Variants in RC3H2 observed in about 807,000 individuals in gnomAD.
RC3H2 encodes the protein ring finger and CCCH-type domains 2.
Under a neutral mutation model 133.3 loss-of-function variants are expected in RC3H2, and 31 were observed. The ratio of observed to expected loss-of-function variants is 0.23; its 90% CI spans 0.17 to 0.31. The LOEUF (loss-of-function observed/expected upper bound fraction) is 0.31. RC3H2 is among the 10% of genes least tolerant of loss of function. RC3H2 has a pLI of 1.00. For missense variants in RC3H2, 1,175 were observed against 1,437.2 expected (o/e 0.82, Z 2.95); for synonymous variants, 517 against 502.2 (o/e 1.03, Z -0.40).
chr9:122,857,953 A>G lies in RC3H2; in HGVS notation c.2424T>C (p.Ser808=), dbSNP rs1164726792. 3.1e-6 allele frequency: 5 copies of G among 1,614,188 alleles called. No homozygotes were observed. The highest frequency in any genetic ancestry group is 2.2e-5 in the East Asian group (1 of 44,886). Residue 808 remains serine, a synonymous_variant, in exon 13 of 21, where the codon TCT becomes TCC. Coordinates refer to ENST00000357244, the MANE Select transcript of RC3H2 (RefSeq NM_001100588.3). ...CACGAAAGTCTACACTGAACAGAGGAGAAGGTGGTGTTGGTGACTGTGTTG... is the reference window on the plus strand; with the variant it reads ...CACGAAAGTCTACACTGAACAGAGGGGAAGGTGGTGTTGGTGACTGTGTTG... ...PVATQSPTPP[S]PLFSVDFRAD... is the part of the protein sequence containing the mutation.
intron 1 of RC3H2, among the ~76,000 whole-genome samples, chr9:122,899,090 G>GTTTTTTT (rs1183512993): frequency 2.3e-5 from 2 of 88,410 alleles, no homozygotes; most frequent in African/African-American, 9.6e-5. Context: ...CCTTTATTGT[G>GTTTTTTT]TTTTTTTTTT....
Position 122,880,788 on chromosome 9 carries a change from T to G in RC3H2, c.766A>C (p.Lys256Gln). The change falls in exon 6 of 21, where the codon AAA (lysine) becomes CAA (glutamine). Residue 256 changes from lysine to glutamine, a missense_variant. Physicochemically the swap from Lys to Gln is moderately conservative, Grantham distance 53 (BLOSUM62 1). Coordinates refer to ENST00000357244, the MANE Select transcript of RC3H2 (RefSeq NM_001100588.3). ...LYRASCFKVT[K>Q]RDEDSSLMQL... ...ATTAGGGAAGAGTCTTCATCTCTTT[T>G]GGTAACCTAAAAAATAGAAAAGAGA... 6.2e-7 allele frequency: 1 copy of G among 1,612,694 alleles called. No individual in the cohort carries two copies. The highest frequency in any genetic ancestry group is 8.5e-7 in the Non-Finnish European group (1 of 1,178,696).
intron 5 of RC3H2, among the ~76,000 whole-genome samples, chr9:122,881,331 A>G (rs548593934): frequency 3.9e-4 from 60 of 152,124 alleles, no homozygotes; most frequent in African/African-American, 1.1e-3. Context: ...AAGAAAAAAT[A>G]CAAAAACTAG....
At chr9:122,893,659 G>A (rs1564318016) in intron 2 of RC3H2, among the ~76,000 whole-genome samples, 2 of 152,102 alleles carry the variant, frequency 1.3e-5, no homozygotes, top group Non-Finnish European at 2.9e-5. Flanking sequence ...AGTTATACAA[G>A]TTCTCTGAAT....
At position 122,878,720 on chromosome 9, in the gene RC3H2, A is replaced by T. The variant is rs1483791269; in HGVS notation, c.1212+1035T>A. 2.6e-5 allele frequency among the ~76,000 whole-genome samples: 4 copies of T among 152,102 alleles called. No homozygotes were observed. The South Asian group carries it at 8.3e-4, about 32-fold the overall frequency. On this transcript the variant is annotated intron_variant, in intron 8 of 20. Transcript: ENST00000357244. ...CATAATAATTTATTAAATAGAAGTT[A>T]TAAGTATAAAGGATTATATCTTAAC...
chr9:122,887,857 C>T (rs1380064759), intron 4 of RC3H2, among the ~76,000 whole-genome samples: 8 of 150,898 alleles, frequency 5.3e-5, no homozygotes, highest in African/African-American at 1.7e-4. Context: ...AATTCTCGTG[C>T]CTCAGCTTCG....
intron 10 of RC3H2, among the ~76,000 whole-genome samples, chr9:122,861,925 A>G (rs560993699): frequency 6.6e-6 from 1 of 152,368 alleles, no homozygotes; most frequent in South Asian, 2.1e-4. Flanking sequence ...TATTCTTTAC[A>G]TAAAGTAAAA....
intron 18 of RC3H2, among the ~76,000 whole-genome samples, chr9:122,853,578 C>G (rs1283176397): frequency 6.6e-6 from 1 of 152,000 alleles, no homozygotes; most frequent in Non-Finnish European, 1.5e-5. Flanking sequence ...ATGGTGAAAC[C>G]CTGTCTCTAC....
At chr9:122,875,911 G>A (rs1435665570) in intron 9 of RC3H2, among the ~76,000 whole-genome samples, 2 of 152,196 alleles carry the variant, frequency 1.3e-5, no homozygotes, top group Non-Finnish European at 2.9e-5. Context: ...AGGACAATGA[G>A]AGGCTATCAA....
chr9:122,863,434 T>C (rs1337675237), intron 10 of RC3H2, among the ~76,000 whole-genome samples: 3 of 152,330 alleles, frequency 2.0e-5, no homozygotes, highest in East Asian at 1.9e-4. Flanking sequence ...TCTAAAAGAC[T>C]GGTCTCCTCA....
intron 1 of RC3H2, among the ~76,000 whole-genome samples, chr9:122,900,937 A>G (rs1183973033): frequency 1.3e-5 from 2 of 152,206 alleles, no homozygotes; most frequent in Non-Finnish European, 2.9e-5. Context: ...AATTTTCCAG[A>G]CTGTAAGTTC....
At chr9:122,896,132 A>C (rs890378920) in intron 2 of RC3H2, among the ~76,000 whole-genome samples, 5 of 151,918 alleles carry the variant, frequency 3.3e-5, no homozygotes, top group Admixed American at 1.3e-4. Flanking sequence ...AAAAAAAAAA[A>C]AAAAAACTTT....
At chr9:122,900,629 C>T (rs901590425) in intron 1 of RC3H2, among the ~76,000 whole-genome samples, 1 of 152,076 alleles carries the variant, frequency 6.6e-6, no homozygotes. Context: ...TAGACCTATA[C>T]TAATACATTT....
In RC3H2 at chr9:122,845,726, A is replaced by G. The variant is rs773739029; in HGVS notation, c.*3901T>C. 1 of 152,164 alleles carries G rather than the reference A, an allele frequency of 6.6e-6. No homozygotes were observed. The highest frequency in any genetic ancestry group is 1.5e-5 in the Non-Finnish European group (1 of 68,020). 9.4% of individuals were successfully genotyped at this position (152,164 alleles called of 1,614,324 possible). ...CATTACTAGCAAACTTCTTCAATTT[A>G]TCCAGAAAATGGGATACTCCTTGAG... is the stretch of plus-strand genomic sequence containing the variant. On this transcript the variant is annotated 3_prime_UTR_variant, in exon 21 of 21. Coordinates refer to ENST00000357244, the MANE Select transcript of RC3H2 (RefSeq NM_001100588.3).
chr9:122,854,479 A>G, intron 16 of RC3H2, 52 bp downstream of exon 16: 1 of 1,380,744 alleles, frequency 7.2e-7, no homozygotes, highest in Non-Finnish European at 1.0e-6. Context: ...TACCCTTAAG[A>G]TACATACAAG....
chr9:122,904,208 G>A (rs936912328), intron 1 of RC3H2, among the ~76,000 whole-genome samples: 3 of 152,330 alleles, frequency 2.0e-5, no homozygotes, highest in Non-Finnish European at 4.4e-5. Context: ...CCGTGGGTAA[G>A]GGGAGAGGAG....
intron 18 of RC3H2, among the ~76,000 whole-genome samples, chr9:122,851,786 G>C (rs372968566): frequency 1.8e-4 from 27 of 152,236 alleles, no homozygotes; most frequent in African/African-American, 5.8e-4. Flanking sequence ...GACGGAGTCT[G>C]GTTCACTCAG....
At chr9:122,902,251 A>G (rs541778323) in intron 1 of RC3H2, among the ~76,000 whole-genome samples, 6 of 152,276 alleles carry the variant, frequency 3.9e-5, no homozygotes, top group African/African-American at 1.4e-4. Context: ...TTTAACAAGT[A>G]TAACTAATAT....
At chr9:122,894,705 C>T (rs891684916) in intron 2 of RC3H2, among the ~76,000 whole-genome samples, 3 of 151,132 alleles carry the variant, frequency 2.0e-5, no homozygotes, top group African/African-American at 7.4e-5. Flanking sequence ...TATGGCGAGA[C>T]CCCATCTCTA....
Sources: gnomAD v4.1 joint callset for allele counts (sites outside exome capture counted in the v4.1 genomes callset) on GRCh38, gnomAD v4.1.1 for gene constraint, MANE v1.5 for transcripts, NCBI Gene and HGNC (gene_info 2026-07-23, HGNC 2026-07-21) for gene names.